Variants in BCAS3 observed in about 807,000 individuals in gnomAD.
The protein encoded by BCAS3 is BCAS3 microtubule associated cell migration factor.
Under a neutral mutation model 116.1 loss-of-function variants are expected in BCAS3, and 53 were observed. The ratio of observed to expected loss-of-function variants is 0.46; its 90% CI spans 0.37 to 0.57. BCAS3 has a LOEUF of 0.57. BCAS3 is among the 20% of genes least tolerant of loss of function. BCAS3 has a pLI of 0.00. For missense variants in BCAS3, 917 were observed against 1,165.4 expected, an observed-to-expected ratio of 0.79 and a Z score of 3.10; for synonymous variants, 391 against 408.2, an observed-to-expected ratio of 0.96 and a Z score of 0.51.
intron 19 of BCAS3, among the ~76,000 whole-genome samples, chr17:61,046,946 C>T (rs756415576): frequency 6.6e-5 from 10 of 151,842 alleles, no homozygotes; most frequent in African/African-American, 1.2e-4. Context: ...AAGGAATCTC[C>T]ACTCCCCTTC....
At chr17:60,920,870 AAACAACAACAACAACAACAAC>A (rs58062382) in intron 12 of BCAS3, among the ~76,000 whole-genome samples, 60 of 146,642 alleles carry the variant, frequency 4.1e-4, no homozygotes, top group African/African-American at 1.0e-3. Flanking sequence ...ACTCCATCGC[AAACAACAACAACAACAACAAC>A]AACAACAACA....
intron 14 of BCAS3, among the ~76,000 whole-genome samples, chr17:60,948,901 A>T (rs563701797): frequency 3.4e-4 from 52 of 151,440 alleles, no homozygotes; most frequent in Non-Finnish European, 5.6e-4. Context: ...CCTCAAGATG[A>T]AGTCTTGCTC....
At position 61,364,064 on chromosome 17, in the gene BCAS3, C is replaced by T. The variant is rs1397373475; in HGVS notation, c.2426-4263C>T. Among the ~76,000 whole-genome samples, 1 of 152,094 alleles carries T rather than the reference C, an allele frequency of 6.6e-6. No homozygotes were observed. The highest frequency in any genetic ancestry group is 2.4e-5 in the African/African-American group (1 of 41,420). On this transcript the variant is annotated intron_variant, in intron 22 of 23. Coordinates refer to ENST00000407086, the MANE Select transcript of BCAS3 (RefSeq NM_017679.5). The surrounding 1 kb of genome is among the most constrained non-coding windows in gnomAD (Gnocchi z 5.4). ...CGAGGTGTGGAAGGGAAAGAGACAG[C>T]GGGTATGGCAGAGCCTCTGATGGGA...
intron 7 of BCAS3, among the ~76,000 whole-genome samples, chr17:60,842,642 T>C (rs1175561065): frequency 1.3e-5 from 2 of 152,178 alleles, no homozygotes; most frequent in Non-Finnish European, 2.9e-5. Context: ...CACTTATTTA[T>C]ATTCTCATCT....
At chr17:60,891,088 A>C (rs981928517) in intron 10 of BCAS3, among the ~76,000 whole-genome samples, 6 of 152,190 alleles carry the variant, frequency 3.9e-5, no homozygotes, top group Non-Finnish European at 5.9e-5. Context: ...TTGTAAAAAT[A>C]GCTCTTTCAA....
Position 61,199,050 on chromosome 17 carries a change from A to G in BCAS3, c.2425+114486A>G, listed in dbSNP as rs2080666340. Among the ~76,000 whole-genome samples the G allele has an allele frequency of 6.6e-6, 1 of 152,232 alleles. No homozygotes were observed. Among genetic ancestry groups the G allele is most frequent in the African/African-American group, 2.4e-5 (1 of 41,466 alleles). On this transcript the variant is annotated intron_variant, in intron 22 of 23. Coordinates refer to ENST00000407086, the MANE Select transcript of BCAS3 (RefSeq NM_017679.5). This position sits in a 1 kb window ranked among gnomAD's most constrained non-coding sequence, Gnocchi z 4.6. ...AACCAACATTTCTCTATCCTGGAAA[A>G]AAAGTGTCCAGTAGAGTCTGTCCTT...
rs904555498 is a variant in BCAS3, at chr17:61,326,291, G to C, written c.2426-42036G>C. 1.3e-5 allele frequency among the ~76,000 whole-genome samples: 2 copies of C among 152,266 alleles called. No homozygotes were observed. The highest frequency in any genetic ancestry group is 3.4e-3 in the Middle Eastern group (1 of 294). On this transcript the variant is annotated intron_variant, in intron 22 of 23. Coordinates refer to ENST00000407086, the MANE Select transcript of BCAS3 (RefSeq NM_017679.5). The surrounding 1 kb of genome is among the most constrained non-coding windows in gnomAD (Gnocchi z 5.3). ...ATAAATCAGCAAAGGGAGTAAGAGG[G>C]GAAGAGGAAAAAGAAATGCTTAAGG... is the stretch of plus-strand genomic sequence containing the variant.
chr17:60,910,486 T>C (rs776671311), intron 11 of BCAS3, 46 bp from the exon 12 acceptor site: 1 of 1,456,772 alleles, frequency 6.9e-7, no homozygotes, highest in South Asian at 1.4e-5. Context: ...CTATGTAGAA[T>C]CCAAATACTG....
At position 61,074,925 on chromosome 17, in the gene BCAS3, C is replaced by T. The variant is rs1286020296; in HGVS notation, c.2035C>T (p.Pro679Ser). Reference protein sequence around the residue: ...YYQFLLAGLVPPGSPGPITRH... With the variant: ...YYQFLLAGLVSPGSPGPITRH... ...CTATTTTCTTTCTCCTATAGTGGTT[C>T]CCCCTGGAAGTCCTGGGCCCATTAC... Residue 679 changes from proline (P) to serine (S), a missense_variant, in exon 20 of 24, where the codon CCC becomes TCC. This residue lies in a region of BCAS3 where 807 missense variants were observed against 1,026.0 expected (regional missense o/e 0.79). Coordinates refer to ENST00000407086, the MANE Select transcript of BCAS3 (RefSeq NM_017679.5). 6.2e-7 allele frequency: 1 copy of T among 1,608,650 alleles called. No individual in the cohort carries two copies. The highest frequency in any genetic ancestry group is 8.5e-7 in the Non-Finnish European group (1 of 1,176,030).
chr17:60,700,290 G>A (rs2036224463), intron 4 of BCAS3, among the ~76,000 whole-genome samples: 2 of 152,150 alleles, frequency 1.3e-5, no homozygotes, highest in Non-Finnish European at 2.9e-5. Flanking sequence ...TGGTGGTGGT[G>A]TAAGAGGAAT....
At chr17:60,753,668 C>T (rs11650231) in intron 6 of BCAS3, among the ~76,000 whole-genome samples, 110,253 of 151,934 alleles carry the variant, frequency 0.73, 45,715 homozygotes, top group South Asian at 0.98. Context: ...CTCGGCCTCC[C>T]AAAGTGCTGG....
At chr17:60,899,649 C>T (rs1167928712) in intron 10 of BCAS3, among the ~76,000 whole-genome samples, 3 of 152,102 alleles carry the variant, frequency 2.0e-5, no homozygotes, top group Admixed American at 6.5e-5. Context: ...AGGCATGCAC[C>T]ACCATGCCTG....
chr17:61,086,844 C>T, intron 22 of BCAS3: 2 of 985,346 alleles, frequency 2.0e-6, no homozygotes, highest in Non-Finnish European at 2.4e-6. Flanking sequence ...TCTTCAGCTA[C>T]CTCTCAATTG....
intron 22 of BCAS3, among the ~76,000 whole-genome samples, chr17:61,247,012 A>G (rs2048027739): frequency 6.6e-6 from 1 of 152,164 alleles, no homozygotes; most frequent in Non-Finnish European, 1.5e-5. Flanking sequence ...ATCATTTTCC[A>G]GTGGCTCAAA....
intron 14 of BCAS3, among the ~76,000 whole-genome samples, chr17:60,982,971 C>G (rs1207961803): frequency 1.3e-5 from 2 of 152,134 alleles, no homozygotes; most frequent in Non-Finnish European, 2.9e-5. Context: ...TACTTTATCT[C>G]TTGCTATTCA....
intron 22 of BCAS3, among the ~76,000 whole-genome samples, chr17:61,166,387 CTCTCTTTTTTTTT>C (rs1194353583): frequency 6.5e-5 from 5 of 77,072 alleles, no homozygotes; most frequent in Non-Finnish European, 1.0e-4. Flanking sequence ...CTCTCTCTCT[CTCTCTTTTTTTTT>C]TTTTTTTTTT....
rs573322247 is a variant in BCAS3 at position 60,786,859 on chromosome 17, T to C, written c.404-21145T>C. ...TATTATCGACAATCCCTTTTAAAGT[T>C]GAAGTAATTAACATTTGGAGTGAAT... On this transcript the variant is annotated intron_variant, in intron 6 of 23. Coordinates refer to ENST00000407086, the MANE Select transcript of BCAS3 (RefSeq NM_017679.5). 7.9e-5 allele frequency among the ~76,000 whole-genome samples: 12 copies of C among 152,272 alleles called. No individual in the cohort carries two copies. In the South Asian group the frequency reaches 2.3e-3, roughly 29 times the overall value.
At chr17:60,704,822 A>G (rs1324402302) in intron 4 of BCAS3, among the ~76,000 whole-genome samples, 1 of 138,544 alleles carries the variant, frequency 7.2e-6, no homozygotes, top group Non-Finnish European at 1.6e-5. Context: ...TGGGAGACAG[A>G]GTGAGACTCA....
chr17:61,260,628 G>T (rs2049121191), intron 22 of BCAS3, among the ~76,000 whole-genome samples: 1 of 152,200 alleles, frequency 6.6e-6, no homozygotes. Flanking sequence ...TTAGATGCTG[G>T]CTGGACGTCA....
Sources: allele counts gnomAD v4.1 joint callset (sites outside exome capture counted in the v4.1 genomes callset), GRCh38; gene constraint gnomAD v4.1.1; regional missense constraint gnomAD v4.1.1; non-coding constraint Gnocchi (gnomAD v3.1); transcripts MANE v1.5; gene names NCBI Gene and HGNC (gene_info 2026-07-23, HGNC 2026-07-21).